Variants in SLC24A2 observed in about 807,000 individuals in gnomAD.
SLC24A2 encodes the protein solute carrier family 24 member 2, also known as sodium/potassium/calcium exchanger 2.
In SLC24A2, 36 loss-of-function variants were observed where a neutral mutation model predicts 62.0. That is an observed-to-expected ratio of 0.58 (90% CI 0.44 to 0.77). SLC24A2 has a LOEUF of 0.77. SLC24A2 is among the 30% of genes least tolerant of loss of function. The pLI is 0.00. For synonymous variants in SLC24A2, 358 were observed against 294.0 expected, an observed-to-expected ratio of 1.22 and a Z score of -2.23; for missense variants, 846 against 817.9, an observed-to-expected ratio of 1.03 and a Z score of -0.42.
the SLC24A2 span, among the ~76,000 whole-genome samples, chr9:20,252,266 T>C: frequency 2.5e-3 from 374 of 152,342 alleles, 3 homozygotes; most frequent in African/African-American, 8.3e-3. Context: ...ATTCCTAATA[T>C]TGCCTTAGAT....
chr9:20,232,752 C>A, the SLC24A2 span, among the ~76,000 whole-genome samples: 1 of 152,082 alleles, frequency 6.6e-6, no homozygotes, highest in South Asian at 2.1e-4. Flanking sequence ...CTGTTCTGAT[C>A]TTAGTTATTT....
chr9:20,071,430 C>T, the SLC24A2 span, among the ~76,000 whole-genome samples: 25 of 152,146 alleles, frequency 1.6e-4, no homozygotes, highest in Non-Finnish European at 3.7e-4. Context: ...AACAACAGTG[C>T]AATGGTGAGA....
At chr9:20,190,491 A>G in the SLC24A2 span, among the ~76,000 whole-genome samples, 1 of 152,234 alleles carries the variant, frequency 6.6e-6, no homozygotes, top group South Asian at 2.1e-4. Flanking sequence ...AGTAACATTT[A>G]CTAAGCATCT....
the SLC24A2 span, among the ~76,000 whole-genome samples, chr9:20,214,884 T>C: frequency 7.4e-4 from 112 of 152,250 alleles, no homozygotes; most frequent in African/African-American, 2.6e-3. Context: ...AACCATAGTA[T>C]AATATAACAT....
At chr9:19,635,274 A>G (rs1257599552) in intron 2 of SLC24A2, among the ~76,000 whole-genome samples, 1 of 152,214 alleles carries the variant, frequency 6.6e-6, no homozygotes. Flanking sequence ...GGGAAAAATG[A>G]CATGAGAAAT....
chr9:19,984,429 G>A, the SLC24A2 span, among the ~76,000 whole-genome samples: 1 of 152,174 alleles, frequency 6.6e-6, no homozygotes, highest in Non-Finnish European at 1.5e-5. Flanking sequence ...ACCCAGGCCA[G>A]GCACGGTGGC....
the SLC24A2 span, among the ~76,000 whole-genome samples, chr9:20,122,254 G>C: frequency 6.6e-6 from 1 of 152,192 alleles, no homozygotes; most frequent in Non-Finnish European, 1.5e-5. Context: ...TACTAAGCCC[G>C]CCCTTGTTTT....
At chr9:20,111,794 T>C in the SLC24A2 span, among the ~76,000 whole-genome samples, 1 of 152,150 alleles carries the variant, frequency 6.6e-6, no homozygotes, top group Non-Finnish European at 1.5e-5. Flanking sequence ...CTGGTCCCCA[T>C]TGTCCACTGG....
At chr9:19,933,543 A>G in the SLC24A2 span, among the ~76,000 whole-genome samples, 2 of 152,198 alleles carry the variant, frequency 1.3e-5, no homozygotes, top group Non-Finnish European at 2.9e-5. Context: ...GGGGTGGGCT[A>G]TCAACTGTAC....
At chr9:20,070,989 A>G in the SLC24A2 span, among the ~76,000 whole-genome samples, 1 of 152,154 alleles carries the variant, frequency 6.6e-6, no homozygotes, top group Non-Finnish European at 1.5e-5. Context: ...ATCCTCCTTG[A>G]TGCTGTTGTT....
chr9:20,032,709 T>A, the SLC24A2 span, among the ~76,000 whole-genome samples: 34,835 of 152,076 alleles, frequency 0.23, 5,312 homozygotes, highest in East Asian at 0.62. Context: ...GCATTATTTA[T>A]CGTAGAAAGC....
the SLC24A2 span, among the ~76,000 whole-genome samples, chr9:19,846,027 G>T: frequency 6.6e-6 from 1 of 152,044 alleles, no homozygotes; most frequent in Non-Finnish European, 1.5e-5. Context: ...GTCGATCTTG[G>T]AATATATTCT....
At chr9:20,232,745 T>C in the SLC24A2 span, among the ~76,000 whole-genome samples, 5 of 152,280 alleles carry the variant, frequency 3.3e-5, no homozygotes, top group East Asian at 1.9e-4. Flanking sequence ...TTCAGTTCTG[T>C]TCTGATCTTA....
the SLC24A2 span, among the ~76,000 whole-genome samples, chr9:20,285,461 G>C: frequency 6.6e-6 from 1 of 152,118 alleles, no homozygotes. Context: ...GTATGAGTCT[G>C]AAAGCAGGAA....
intron 2 of SLC24A2, among the ~76,000 whole-genome samples, chr9:19,727,640 T>C (rs1480042991): frequency 6.6e-6 from 1 of 152,204 alleles, no homozygotes; most frequent in Non-Finnish European, 1.5e-5. Flanking sequence ...CCACTCTTTC[T>C]CCAATTATTT....
intron 2 of SLC24A2, among the ~76,000 whole-genome samples, chr9:19,625,864 C>T (rs1199002482): frequency 2.6e-5 from 4 of 151,574 alleles, no homozygotes; most frequent in African/African-American, 9.7e-5. Context: ...TTTTTGTATT[C>T]TTAGTAGAGA....
At chr9:19,793,608 A>G (rs1473765880), upstream of SLC24A2, among the ~76,000 whole-genome samples, 1 of 152,224 alleles carries the variant, frequency 6.6e-6, no homozygotes, top group African/African-American at 2.4e-5. Flanking sequence ...TCTCTTTTCA[A>G]TCTCATCAGT....
chr9:19,634,905 G>T (rs1009414037), intron 2 of SLC24A2, among the ~76,000 whole-genome samples: 1 of 152,140 alleles, frequency 6.6e-6, no homozygotes, highest in Non-Finnish European at 1.5e-5. Context: ...AGATGAAATT[G>T]AGATCTACCA....
chr9:19,549,621 C>T (rs1181540578), intron 8 of SLC24A2, among the ~76,000 whole-genome samples: 2 of 152,202 alleles, frequency 1.3e-5, no homozygotes, highest in Non-Finnish European at 2.9e-5. Flanking sequence ...TTCCAGTAGA[C>T]CGTCCCAGCT....
Sources: allele counts gnomAD v4.1 joint callset (sites outside exome capture counted in the v4.1 genomes callset), GRCh38; gene constraint gnomAD v4.1.1; transcripts MANE v1.5; gene names NCBI Gene and HGNC (gene_info 2026-07-23, HGNC 2026-07-21).